Variants in RESF1 observed in about 807,000 individuals in gnomAD.
RESF1 encodes the protein retroelement silencing factor 1.
A neutral mutation model predicts 134.7 loss-of-function variants in RESF1; 65 were observed. That is an observed-to-expected ratio of 0.48 (90% CI 0.40 to 0.59). The LOEUF is 0.59. Among genes scored for constraint, RESF1 ranks in the 20% least tolerant of loss-of-function variants. The probability of loss-of-function intolerance (pLI) is 0.00; values close to 1 mark genes in which losing one functional copy is unlikely to be tolerated. For synonymous variants in RESF1, 762 were observed against 702.2 expected (o/e 1.09, Z -1.35); for missense variants, 2,274 against 2,002.7 (o/e 1.14, Z -2.59).
At chr12:31,987,728 T>TATTC (rs1192540681) in intron 5 of RESF1, among the ~76,000 whole-genome samples, 1 of 151,418 alleles carries the variant, frequency 6.6e-6, no homozygotes, top group Non-Finnish European at 1.5e-5. Context: ...ACTATTTATT[T>TATTC]ATTTATTTAT....
intron 3 of RESF1, among the ~76,000 whole-genome samples, chr12:31,976,353 G>C (rs1939632200): frequency 6.6e-6 from 1 of 152,150 alleles, no homozygotes; most frequent in African/African-American, 2.4e-5. Flanking sequence ...ACATTAAACA[G>C]TTGATAAACA....
At chr12:31,990,343 C>T (rs10844084) in intron 5 of RESF1, among the ~76,000 whole-genome samples, 34,944 of 152,164 alleles carry the variant, frequency 0.23, 4,093 homozygotes, top group Non-Finnish European at 0.26. Context: ...ACAAGTCATA[C>T]AGCTTTGTCA....
Position 31,984,262 on chromosome 12 carries a change from C to A in RESF1, c.3307C>A (p.Gln1103Lys). The change falls in exon 4 of 6, where the codon CAA becomes AAA. Residue 1103 changes from glutamine (Q) to lysine (K), a missense_variant. Physicochemically the swap from Gln to Lys is moderately conservative, Grantham distance 53. Transcript: ENST00000312561. ...TSSDSKDPAD[Q>K]IQITILSSEQ... ...TTCTGACTCCAAAGACCCAGCAGATCAAATACAAATTACAATATTAAGCTC... is the reference window on the plus strand; with the variant it reads ...TTCTGACTCCAAAGACCCAGCAGATAAAATACAAATTACAATATTAAGCTC... 1 of 1,613,852 alleles carries A rather than the reference C, an allele frequency of 6.2e-7. No homozygotes were observed. Among genetic ancestry groups the A allele is most frequent in the Non-Finnish European group, 8.5e-7 (1 of 1,179,960 alleles).
In RESF1 at chr12:31,982,876, A is replaced by C; in HGVS notation, c.1921A>C (p.Ser641Arg). 1 of 1,614,130 alleles carries C rather than the reference A, an allele frequency of 6.2e-7. No homozygotes were observed. The highest frequency in any genetic ancestry group is 1.1e-5 in the South Asian group (1 of 91,084). ...GGAAACTCCAAGTACTTCTAATGTA[A>C]GTGGCAGGGTTTTGGACAACTCCTT... The part of the protein sequence containing the change: ...NMETPSTSNV[S>R]GRVLDNSFCS... Residue 641 changes from serine (S) to arginine (R), a missense_variant, in exon 4 of 6, where the codon AGT (serine) becomes CGT (arginine). Transcript: ENST00000312561.
At chr12:31,991,550 G>A (rs10771897) in intron 5 of RESF1, among the ~76,000 whole-genome samples, 99,207 of 152,066 alleles carry the variant, frequency 0.65, 32,482 homozygotes, top group South Asian at 0.76. Context: ...TTTCTTGACT[G>A]TGATGGTATG....
At chr12:31,963,104 G>A (rs1001782186) in intron 2 of RESF1, among the ~76,000 whole-genome samples, 3 of 152,104 alleles carry the variant, frequency 2.0e-5, no homozygotes, top group African/African-American at 4.8e-5. Flanking sequence ...AGTGGCTCAC[G>A]CCTGTAATCC....
chr12:31,979,506 C>G (rs1257491961), intron 3 of RESF1, among the ~76,000 whole-genome samples: 1 of 151,938 alleles, frequency 6.6e-6, no homozygotes, highest in Non-Finnish European at 1.5e-5. Context: ...GTTCACCAGC[C>G]CAGAAGCTCG....
chr12:31,985,814 T>C lies in RESF1; in HGVS notation c.4859T>C (p.Phe1620Ser). Reference protein sequence around the residue: ...DKRQENKHKTFLPVKGNTEKS... With the variant: ...DKRQENKHKTSLPVKGNTEKS... ...AGACAGGAAAATAAACATAAGACCT[T>C]TTTACCGGTGAAAGGTAACACAGAA... Residue 1620 changes from phenylalanine (F) to serine (S), a missense_variant, in exon 4 of 6, where the codon TTT (phenylalanine) becomes TCT (serine). Transcript: ENST00000312561. 3 of 1,566,280 alleles carry C rather than the reference T, an allele frequency of 1.9e-6. No homozygotes were observed. In the South Asian group the frequency reaches 3.6e-5, roughly 19 times the overall value.
In RESF1 at chr12:31,985,812, C is replaced by G. The variant is rs760637892; in HGVS notation, c.4857C>G (p.Thr1619=). The G allele has an allele frequency of 6.4e-7, 1 of 1,566,654 alleles. No individual in the cohort carries two copies. The highest frequency in any genetic ancestry group is 1.4e-5 in the African/African-American group (1 of 72,280). The change falls in exon 4 of 6, where the codon ACC becomes ACG. Residue 1619 remains threonine, a synonymous_variant. Coordinates refer to ENST00000312561, the MANE Select transcript of RESF1 (RefSeq NM_018169.4). Reference sequence around the variant, plus strand: ...AGAGACAGGAAAATAAACATAAGACCTTTTTACCGGTGAAAGGTAACACAG... The same window carrying G: ...AGAGACAGGAAAATAAACATAAGACGTTTTTACCGGTGAAAGGTAACACAG... ...KDKRQENKHK[T]FLPVKGNTEK...
chr12:31,963,263 T>C (rs949938097), intron 2 of RESF1, among the ~76,000 whole-genome samples: 9 of 151,520 alleles, frequency 5.9e-5, no homozygotes, highest in South Asian at 2.1e-4. Flanking sequence ...GGAGAATTGC[T>C]TGAACCCAGG....
intron 3 of RESF1, among the ~76,000 whole-genome samples, chr12:31,973,482 GTTTC>G (rs1474517288): frequency 6.6e-6 from 1 of 151,992 alleles, no homozygotes; most frequent in African/African-American, 2.4e-5. Context: ...TACACTTGGA[GTTTC>G]TTCTGCATCT....
At chr12:31,991,241 T>C (rs184025594) in intron 5 of RESF1, among the ~76,000 whole-genome samples, 15 of 150,174 alleles carry the variant, frequency 1.0e-4, no homozygotes, top group Admixed American at 8.6e-4. Context: ...CTAAATTCAG[T>C]AGCAAAGGTT....
Position 31,983,681 on chromosome 12 carries a change from T to G in RESF1, c.2726T>G (p.Ile909Arg). Residue 909 changes from isoleucine (I) to arginine (R), a missense_variant, in exon 4 of 6, where the codon ATA becomes AGA. Coordinates refer to ENST00000312561, the MANE Select transcript of RESF1 (RefSeq NM_018169.4). ...VEGDTSYNSQ[I>R]AKIFSSLPLK... ...GGTGATACCTCTTACAATTCCCAAA[T>G]AGCAAAGATATTCAGCTCTCTTCCC... 1 of 1,613,910 alleles carries G rather than the reference T, an allele frequency of 6.2e-7. No homozygotes were observed.
At chr12:31,978,921 ATTTTT>A (rs368667477) in intron 3 of RESF1, among the ~76,000 whole-genome samples, 3 of 129,074 alleles carry the variant, frequency 2.3e-5, no homozygotes, top group East Asian at 2.3e-4. Flanking sequence ...TGATCTCATG[ATTTTT>A]TTTTTTTTTT....
rs150536765 is a variant in RESF1 at position 31,983,062 on chromosome 12, G to A, written c.2107G>A (p.Val703Ile). The change falls in exon 4 of 6, where the codon GTT (valine) becomes ATT (isoleucine). Residue 703 changes from valine (V) to isoleucine (I), a missense_variant. Val to Ile is a conservative substitution (Grantham distance 29, BLOSUM62 3). Coordinates refer to ENST00000312561, the MANE Select transcript of RESF1 (RefSeq NM_018169.4). ...TAAACTCAGAACAAACACAACAGCA[G>A]TTGGAATTTCAAAGCCTGCTAACAT... ...CDKLRTNTTA[V>I]GISKPANIHV... is the part of the protein sequence containing the mutation. 5.5e-4 allele frequency: 892 copies of A among 1,613,814 alleles called. 2 individuals carry two copies. In the African/African-American group the frequency reaches 1.0e-2, roughly 18 times the overall value.
chr12:31,983,458 A>G lies in RESF1; in HGVS notation c.2503A>G (p.Thr835Ala). The G allele has an allele frequency of 6.2e-7, 1 of 1,614,034 alleles. No homozygotes were observed. The highest frequency in any genetic ancestry group is 1.1e-5 in the South Asian group (1 of 91,076). ...AACATCAACCAAGATTTTTCCACTA[A>G]CTCAGAAGGAAAAGCAGAATGAGTC... The part of the protein sequence containing the change: ...TATSTKIFPL[T>A]QKEKQNESTN... Residue 835 changes from threonine (T) to alanine (A), a missense_variant, in exon 4 of 6, where the codon ACT (threonine) becomes GCT (alanine). Thr to Ala is a moderately conservative substitution (Grantham distance 58). Coordinates refer to ENST00000312561, the MANE Select transcript of RESF1 (RefSeq NM_018169.4).
At chr12:31,961,807 A>G (rs192346616) in intron 2 of RESF1, among the ~76,000 whole-genome samples, 2 of 152,282 alleles carry the variant, frequency 1.3e-5, no homozygotes, top group African/African-American at 4.8e-5. Context: ...ACTTGCCCCA[A>G]AGCTTTGTTG....
chr12:31,976,660 G>A (rs570677009), intron 3 of RESF1, among the ~76,000 whole-genome samples: 190 of 152,126 alleles, frequency 1.2e-3, no homozygotes, highest in African/African-American at 4.5e-3. Context: ...TCCAGTCTGG[G>A]TGACAGAGCG....
rs571796077 is a variant in RESF1, at chr12:31,984,794, C to T, written c.3839C>T (p.Ser1280Leu). ...TEQELVAGQF[S>L]SKCDKLNPLQ... The stretch of plus-strand genomic sequence containing the variant: ...CAAGAATTAGTTGCTGGTCAGTTTT[C>T]ATCTAAATGTGATAAACTAAATCCC... The change falls in exon 4 of 6, where the codon TCA (serine) becomes TTA (leucine). Residue 1280 changes from serine to leucine, a missense_variant. By Grantham distance (145) the Ser-to-Leu change is moderately radical (BLOSUM62 -2). Coordinates refer to ENST00000312561, the MANE Select transcript of RESF1 (RefSeq NM_018169.4). 29 of 1,610,860 alleles carry T rather than the reference C, an allele frequency of 1.8e-5. 3 individuals carry two copies. The highest frequency in any genetic ancestry group is 8.9e-5 in the East Asian group (4 of 44,856).
Sources: allele counts gnomAD v4.1 joint callset (sites outside exome capture counted in the v4.1 genomes callset), GRCh38; gene constraint gnomAD v4.1.1; transcripts MANE v1.5; gene names NCBI Gene and HGNC (gene_info 2026-07-23, HGNC 2026-07-21).